Variants in CEP128 observed in about 807,000 individuals in gnomAD.
CEP128 encodes centrosomal protein 128kDa.
Under a neutral mutation model 156.7 loss-of-function variants are expected in CEP128, and 132 were observed. The observed-to-expected ratio is 0.84, with a 90% confidence interval of 0.73 to 0.97. The LOEUF (loss-of-function observed/expected upper bound fraction) is 0.97, where lower values mean the gene tolerates loss of function less well. Ranked by LOEUF, CEP128 falls within the 50% of genes least tolerant of loss-of-function variation. The probability of loss-of-function intolerance (pLI) is 0.00; values close to 1 mark genes in which losing one functional copy is unlikely to be tolerated. For synonymous variants in CEP128, 469 were observed against 448.9 expected, an observed-to-expected ratio of 1.04 and a Z score of -0.57; for missense variants, 1,252 against 1,281.9, an observed-to-expected ratio of 0.98 and a Z score of 0.36.
chr14:80,672,307 C>CA lies in CEP128; in HGVS notation c.2806+70767dup, dbSNP rs11323956. ...ACAAATTTTGAGATACCTAATAAGCCAAAAAAAAAAAAGGTGAACTGAAAG... is the reference window on the plus strand; with the variant it reads ...ACAAATTTTGAGATACCTAATAAGCCAAAAAAAAAAAAAGGTGAACTGAAAG... On this transcript the variant is annotated intron_variant, in intron 19 of 24. Transcript: ENST00000555265. Among the ~76,000 whole-genome samples, 37 of 145,342 alleles carry CA rather than the reference C, an allele frequency of 2.5e-4. No individual in the cohort carries two copies. In the East Asian group the frequency reaches 4.0e-3, roughly 16 times the overall value.
At chr14:80,735,352 T>C (rs1898478985) in intron 19 of CEP128, among the ~76,000 whole-genome samples, 1 of 152,194 alleles carries the variant, frequency 6.6e-6, no homozygotes, top group African/African-American at 2.4e-5. Flanking sequence ...CAAATACGTA[T>C]ACCTAGGCAT....
chr14:80,854,757 CTAGT>C (rs1887063810), intron 9 of CEP128, among the ~76,000 whole-genome samples: 1 of 152,042 alleles, frequency 6.6e-6, no homozygotes. Context: ...AGAAATAAAC[CTAGT>C]TAAACACAGG....
chr14:80,773,740 T>C (rs958587602), intron 16 of CEP128, among the ~76,000 whole-genome samples: 3 of 152,178 alleles, frequency 2.0e-5, no homozygotes, highest in African/African-American at 7.2e-5. Flanking sequence ...AATAAAAATA[T>C]ATTTCTGATA....
At chr14:80,846,660 T>C (rs1886617746) in intron 9 of CEP128, among the ~76,000 whole-genome samples, 2 of 152,288 alleles carry the variant, frequency 1.3e-5, no homozygotes, top group Admixed American at 6.5e-5. Context: ...AGAAAGTATA[T>C]TGCAAGCATT....
intron 23 of CEP128, among the ~76,000 whole-genome samples, chr14:80,523,797 A>G (rs1027887642): frequency 2.0e-5 from 3 of 152,194 alleles, no homozygotes; most frequent in African/African-American, 7.2e-5. Flanking sequence ...GAAACATGTC[A>G]TATAATGTGT....
chr14:80,859,843 T>C (rs560691793), intron 9 of CEP128, among the ~76,000 whole-genome samples: 1 of 152,304 alleles, frequency 6.6e-6, no homozygotes, highest in East Asian at 1.9e-4. Flanking sequence ...CAGCAGCAGA[T>C]TTTAGCCAAA....
chr14:80,666,515 C>T (rs756685940), intron 19 of CEP128, among the ~76,000 whole-genome samples: 1 of 152,138 alleles, frequency 6.6e-6, no homozygotes, highest in Non-Finnish European at 1.5e-5. Flanking sequence ...ATTATCACAT[C>T]ATATTCTGAA....
chr14:80,563,417 C>T (rs1217862347), intron 20 of CEP128, among the ~76,000 whole-genome samples: 1 of 151,422 alleles, frequency 6.6e-6, no homozygotes, highest in African/African-American at 2.4e-5. Flanking sequence ...TAAAACTTGA[C>T]ATTCTCCCTA....
chr14:80,583,430 T>C (rs1467007978), intron 19 of CEP128, among the ~76,000 whole-genome samples: 1 of 152,120 alleles, frequency 6.6e-6, no homozygotes, highest in Non-Finnish European at 1.5e-5. Flanking sequence ...CTAACTAACC[T>C]TTCCTGCTGC....
At chr14:80,825,678 A>G (rs1351380339) in intron 13 of CEP128, among the ~76,000 whole-genome samples, 1 of 152,242 alleles carries the variant, frequency 6.6e-6, no homozygotes, top group African/African-American at 2.4e-5. Flanking sequence ...TGCAACTCAG[A>G]GAGTTAAAGA....
At chr14:80,640,450 T>A (rs1894360949) in intron 19 of CEP128, among the ~76,000 whole-genome samples, 1 of 152,182 alleles carries the variant, frequency 6.6e-6, no homozygotes, top group Admixed American at 6.5e-5. Flanking sequence ...CCCTGCCAAC[T>A]TCTGAGTCCA....
At chr14:80,554,101 T>C (rs764169918) in intron 21 of CEP128, among the ~76,000 whole-genome samples, 1 of 152,152 alleles carries the variant, frequency 6.6e-6, no homozygotes, top group Non-Finnish European at 1.5e-5. Context: ...TTCTTATTCA[T>C]TTATGGGGAT....
At chr14:80,663,250 C>A (rs1291125357) in intron 19 of CEP128, among the ~76,000 whole-genome samples, 1 of 152,094 alleles carries the variant, frequency 6.6e-6, no homozygotes, top group Non-Finnish European at 1.5e-5. Flanking sequence ...AAAGGTAATT[C>A]ATGTCATGTC....
At chr14:80,659,408 G>A (rs1371881649) in intron 19 of CEP128, among the ~76,000 whole-genome samples, 1 of 152,118 alleles carries the variant, frequency 6.6e-6, no homozygotes, top group Non-Finnish European at 1.5e-5. Flanking sequence ...CTGAGTACAT[G>A]GAGCTTGGCA....
intron 19 of CEP128, among the ~76,000 whole-genome samples, chr14:80,687,864 T>C (rs1896580513): frequency 6.6e-6 from 1 of 152,210 alleles, no homozygotes; most frequent in Admixed American, 6.5e-5. Flanking sequence ...ATAAAACATC[T>C]TACTCTTTAA....
At chr14:80,556,504 A>AAGAAAGAGAGGGAAAAGTTG (rs1423447647) in intron 21 of CEP128, among the ~76,000 whole-genome samples, 5 of 152,168 alleles carry the variant, frequency 3.3e-5, no homozygotes, top group African/African-American at 1.2e-4. Context: ...CCTGCTATTA[A>AAGAAAGAGAGGGAAAAGTTG]AGAAAGAGAG....
intron 2 of CEP128, chr14:80,955,874 G>A (rs759562537): frequency 1.9e-6 from 3 of 1,613,906 alleles, no homozygotes; most frequent in Admixed American, 1.7e-5. Context: ...AGAGATCAGG[G>A]TAGGACCCAG....
intron 19 of CEP128, among the ~76,000 whole-genome samples, chr14:80,670,510 T>C (rs1895796473): frequency 1.3e-5 from 2 of 152,212 alleles, no homozygotes; most frequent in South Asian, 4.1e-4. Context: ...GCCATTATCT[T>C]AAGTGAAATA....
chr14:80,557,529 A>T (rs938885533), intron 21 of CEP128, among the ~76,000 whole-genome samples: 1 of 152,214 alleles, frequency 6.6e-6, no homozygotes. Flanking sequence ...CATTTAATTC[A>T]CAGGCCAAAT....
Sources: gnomAD v4.1 joint callset for allele counts (sites outside exome capture counted in the v4.1 genomes callset) on GRCh38, gnomAD v4.1.1 for gene constraint, MANE v1.5 for transcripts, NCBI Gene and HGNC (gene_info 2026-07-23, HGNC 2026-07-21) for gene names.